Variants in NOMO1 observed in about 807,000 individuals in gnomAD.
The protein encoded by NOMO1 is NODAL modulator 1.
In NOMO1, 40 loss-of-function variants were observed where a neutral mutation model predicts 133.8. The ratio of observed to expected loss-of-function variants is 0.30; its 90% CI spans 0.23 to 0.39. The LOEUF is 0.39. Ranked by LOEUF, NOMO1 falls within the 10% of genes least tolerant of loss-of-function variation. The pLI, the probability that NOMO1 is intolerant of heterozygous loss-of-function variation, is 1.00. For synonymous variants in NOMO1, 236 were observed against 570.5 expected (o/e 0.41, Z 8.36); for missense variants, 462 against 1,419.9 (o/e 0.33, Z 10.84).
intron 29 of NOMO1, among the ~76,000 whole-genome samples, chr16:14,892,024 T>G (rs1200347617): frequency 6.6e-6 from 1 of 151,864 alleles, no homozygotes; most frequent in Non-Finnish European, 1.5e-5. Context: ...GCAGATCATT[T>G]GAGGTCAGGA....
At chr16:14,875,649 A>G (rs1036334596) in intron 20 of NOMO1, among the ~76,000 whole-genome samples, 4 of 151,302 alleles carry the variant, frequency 2.6e-5, no homozygotes, top group Non-Finnish European at 4.4e-5. Flanking sequence ...TGGATGAATG[A>G]ATGAATGATT....
At chr16:14,852,915 A>G (rs1419228395) in intron 7 of NOMO1, 4 of 248,684 alleles carry the variant, frequency 1.6e-5, no homozygotes, top group Non-Finnish European at 3.1e-5. Flanking sequence ...AGGCAGTAGA[A>G]TCGCTTGAAC....
At chr16:14,862,765 C>A (rs1262852504) in intron 11 of NOMO1, 1 of 547,688 alleles carries the variant, frequency 1.8e-6, no homozygotes, top group Non-Finnish European at 3.3e-6. Context: ...AACACACAAA[C>A]AGCCCCACTA....
At position 14,841,419 on chromosome 16, in the gene NOMO1, G is replaced by A. The variant is rs200691594; in HGVS notation, c.301+12G>A. The A allele has an allele frequency of 4.7e-6, 3 of 641,336 alleles. No individual in the cohort carries two copies. The highest frequency in any genetic ancestry group is 8.3e-6 in the Non-Finnish European group (3 of 362,690). The allele number at this position is 641,336 out of a possible 1,614,324, so 39.7% of individuals were successfully genotyped here. A position where few individuals can be genotyped will look rare whatever the true frequency, so the allele number is the denominator to read the frequency against. On this transcript the variant is annotated intron_variant, in intron 3 of 30. Transcript: ENST00000287667. ...AGGGTGGAGTTTTGGTAAGTTAACTGAATCACTAGACATTCTTTGTAAAAG... is the reference window on the plus strand; with the variant it reads ...AGGGTGGAGTTTTGGTAAGTTAACTAAATCACTAGACATTCTTTGTAAAAG...
At chr16:14,886,670 A>G in intron 27 of NOMO1, 91 bp from the exon 28 acceptor site, 4 of 1,608,364 alleles carry the variant, frequency 2.5e-6, no homozygotes, top group Non-Finnish European at 3.4e-6. Flanking sequence ...AAAGACACCC[A>G]CCCAGAAAGC....
chr16:14,846,702 C>T lies in NOMO1; in HGVS notation c.509+19C>T, dbSNP rs1213376448. 13 of 969,492 alleles carry T rather than the reference C, an allele frequency of 1.3e-5. No homozygotes were observed. The highest frequency in any genetic ancestry group is 2.0e-5 in the Non-Finnish European group (13 of 645,864). 60.1% of individuals were successfully genotyped at this position (969,492 alleles called of 1,614,324 possible). A position where few individuals can be genotyped will look rare whatever the true frequency, so the allele number is the denominator to read the frequency against. ...GCGGAAAGTGAGTAGCGTCCTGTCT[C>T]TTAGTGTTGCCTTAGAGCCGGGCTC... On this transcript the variant is annotated intron_variant, in intron 5 of 30. Transcript: ENST00000287667.
rs1270171191 is a variant in NOMO1 at position 14,878,823 on chromosome 16, T to G, written c.2746T>G (p.Phe916Val). 3 of 1,611,612 alleles carry G rather than the reference T, an allele frequency of 1.9e-6. No individual in the cohort carries two copies. The African/African-American group carries it at 4.0e-5, about 22-fold the overall frequency. Residue 916 changes from phenylalanine (F) to valine (V), a missense_variant, in exon 23 of 31, where the codon TTC (phenylalanine) becomes GTC (valine). Coordinates refer to ENST00000287667, the MANE Select transcript of NOMO1 (RefSeq NM_014287.4). ...GACCCAGGACAACGGCATTCTGACA[T>G]TCTCAAACCTGGTAACGTGTTCTGC... is the stretch of plus-strand genomic sequence containing the variant. ...LLTQDNGILT[F>V]SNLSPGQYYF...
intron 11 of NOMO1, 49 bp downstream of exon 11, chr16:14,857,704 C>A: frequency 6.2e-7 from 1 of 1,612,788 alleles, no homozygotes; most frequent in Non-Finnish European, 8.5e-7. Flanking sequence ...TGCTGGCAGC[C>A]AGTGTAGAAC....
At chr16:14,894,276 CA>C (rs1964447831) in intron 29 of NOMO1, among the ~76,000 whole-genome samples, 1 of 152,150 alleles carries the variant, frequency 6.6e-6, no homozygotes, top group Non-Finnish European at 1.5e-5. Flanking sequence ...CAAAATGGGG[CA>C]ATTGGCCAAA....
At chr16:14,893,670 G>C (rs554786530) in intron 29 of NOMO1, among the ~76,000 whole-genome samples, 1 of 151,392 alleles carries the variant, frequency 6.6e-6, no homozygotes, top group Admixed American at 6.6e-5. Flanking sequence ...AGCAGTTCTC[G>C]GATGGGTTGG....
At chr16:14,882,765 A>T in intron 26 of NOMO1, 88 bp downstream of exon 26, 1 of 1,606,000 alleles carries the variant, frequency 6.2e-7, no homozygotes, top group Non-Finnish European at 8.5e-7. Flanking sequence ...TCTGCCTTTC[A>T]TCTGTGGCGG....
intron 11 of NOMO1, among the ~76,000 whole-genome samples, chr16:14,859,173 G>A (rs1488895587): frequency 6.6e-6 from 1 of 151,986 alleles, no homozygotes; most frequent in Non-Finnish European, 1.5e-5. Context: ...GGTCACAGGA[G>A]CTAAGAAAGT....
Position 14,867,618 on chromosome 16 carries a change from T to A in NOMO1, c.1806+927T>A, listed in dbSNP as rs1224478280. On this transcript the variant is annotated intron_variant, in intron 15 of 30. Coordinates refer to ENST00000287667, the MANE Select transcript of NOMO1 (RefSeq NM_014287.4). ...GTGTGAAATGGGTTTCAGGAGCACC[T>A]CCGTAGATCCCTTCGTGAATTTTCT... Among the ~76,000 whole-genome samples the A allele has an allele frequency of 4.0e-5, 6 of 148,224 alleles. No homozygotes were observed. In the East Asian group the frequency reaches 1.2e-3, roughly 29 times the overall value.
In NOMO1 at chr16:14,875,210, T is replaced by C; in HGVS notation, c.2229T>C (p.Asp743=). The stretch of plus-strand genomic sequence containing the variant: ...AGCCTCCCGTGCAGGAGATGGTAGA[T>C]GAGTTACAAGGCCCCTTCTCGTATG... ...MTKPPVQEMV[D]ELQGPFSYDF... is the part of the protein sequence containing the mutation. The change falls in exon 19 of 31, where the codon GAT becomes GAC. Residue 743 remains aspartate, a synonymous_variant. Transcript: ENST00000287667. The C allele has an allele frequency of 6.2e-7, 1 of 1,613,334 alleles. No homozygotes were observed. Among genetic ancestry groups the C allele is most frequent in the Non-Finnish European group, 8.5e-7 (1 of 1,179,838 alleles).
chr16:14,849,896 CTTTTTTT>C (rs1171906105), intron 6 of NOMO1, among the ~76,000 whole-genome samples: 3 of 87,930 alleles, frequency 3.4e-5, no homozygotes, highest in South Asian at 3.6e-4. Flanking sequence ...CAGATACAGT[CTTTTTTT>C]TTTTTTTTTT....
chr16:14,870,293 TTTTGCC>T (rs1175219378), intron 16 of NOMO1, among the ~76,000 whole-genome samples: 1 of 149,086 alleles, frequency 6.7e-6, no homozygotes, highest in Non-Finnish European at 1.5e-5. Context: ...CCCTTCTATT[TTTTGCC>T]TTGTATTTTC....
rs146403442 is a variant in NOMO1 at position 14,866,707 on chromosome 16, T to C, written c.1806+16T>C. 3.1e-6 allele frequency: 5 copies of C among 1,602,450 alleles called. No individual in the cohort carries two copies. In the Admixed American group the frequency reaches 5.0e-5, roughly 16 times the overall value. On this transcript the variant is annotated intron_variant, in intron 15 of 30. Coordinates refer to ENST00000287667, the MANE Select transcript of NOMO1 (RefSeq NM_014287.4). ...CATCACTCTGGTATGTACGGCTTAT[T>C]GAGTCTCTTATTTGGAAAAGCGCTC...
intron 2 of NOMO1, among the ~76,000 whole-genome samples, chr16:14,840,841 A>G (rs902711207): frequency 1.4e-4 from 21 of 147,058 alleles, no homozygotes; most frequent in Non-Finnish European, 2.7e-4. Context: ...TTTTAAGAAC[A>G]TTTTTTGTAC....
At chr16:14,891,268 C>T (rs1964401531) in intron 29 of NOMO1, among the ~76,000 whole-genome samples, 2 of 151,794 alleles carry the variant, frequency 1.3e-5, no homozygotes, top group South Asian at 4.2e-4. Flanking sequence ...TTTGTATTTT[C>T]TGTGAACTAT....
Sources: gnomAD v4.1 joint callset for allele counts (sites outside exome capture counted in the v4.1 genomes callset) on GRCh38, gnomAD v4.1.1 for gene constraint, MANE v1.5 for transcripts, NCBI Gene and HGNC (gene_info 2026-07-23, HGNC 2026-07-21) for gene names.